SEMA5B: variants seen among roughly 807,000 people sequenced by gnomAD.
The protein encoded by SEMA5B is semaphorin 5B, also known as semaphorin-5B.
SEMA5B carries 66 observed loss-of-function variants against 135.0 expected under a neutral mutation model. That is an observed-to-expected ratio of 0.49 (90% CI 0.40 to 0.60). SEMA5B has a LOEUF of 0.60. SEMA5B is among the 20% of genes least tolerant of loss of function. SEMA5B has a pLI of 0.00. For missense variants in SEMA5B, 1,501 were observed against 1,566.3 expected, an observed-to-expected ratio of 0.96 and a Z score of 0.70; for synonymous variants, 690 against 639.5, an observed-to-expected ratio of 1.08 and a Z score of -1.19.
chr3:122,956,669 TCCC>T lies in SEMA5B; in HGVS notation c.124+4468_124+4470del, dbSNP rs914908625. Among the ~76,000 whole-genome samples, 35 of 151,724 alleles carry T rather than the reference TCCC, an allele frequency of 2.3e-4. 1 individual carries two copies. Among genetic ancestry groups the T allele is most frequent in the Non-Finnish European group, 4.3e-4 (29 of 67,888 alleles). On this transcript the variant is annotated intron_variant, in intron 2 of 22. Coordinates refer to ENST00000357599, the MANE Select transcript of SEMA5B (RefSeq NM_001031702.4). ...AGGTGCCCCCTGCACAACCGAACCC[TCCC>T]CCGTTTTCAGACAGGGGATCGCCCA...
At position 122,962,716 on chromosome 3, in the gene SEMA5B, A is replaced by T. The variant is rs4491842; in HGVS notation, c.-38-1415T>A. ...GATGCTTGTAAATCTATGGAAATGAAGTGAGACCAGTAACATCTGCTGCCT... is the reference window on the plus strand; with the variant it reads ...GATGCTTGTAAATCTATGGAAATGATGTGAGACCAGTAACATCTGCTGCCT... On this transcript the variant is annotated intron_variant, in intron 1 of 22. Coordinates refer to ENST00000357599, the MANE Select transcript of SEMA5B (RefSeq NM_001031702.4). Among the ~76,000 whole-genome samples the T allele has an allele frequency of 9.5e-3, 1,454 of 152,330 alleles. 24 individuals carry two copies. The highest frequency in any genetic ancestry group is 0.033 in the African/African-American group (1,388 of 41,556).
At chr3:123,001,064 C>T (rs1262444349) in intron 1 of SEMA5B, among the ~76,000 whole-genome samples, 1 of 151,912 alleles carries the variant, frequency 6.6e-6, no homozygotes, top group Non-Finnish European at 1.5e-5. Flanking sequence ...TATCCAAGAG[C>T]CCCCCAGAGC....
At position 122,921,995 on chromosome 3, in the gene SEMA5B, G is replaced by A; in HGVS notation, c.1608C>T (p.Ser536=). Residue 536 remains serine (S), a synonymous_variant, in exon 12 of 23, where the codon AGC becomes AGT. Coordinates refer to ENST00000357599, the MANE Select transcript of SEMA5B (RefSeq NM_001031702.4). ...EPLRSLRILH[S]ARALFVGLRD... The stretch of plus-strand genomic sequence containing the variant: ...TCAGCCCCACGAAGAGCGCGCGGGC[G>A]CTGTGCAGGATGCGCAGGCTGCGCA... 1 of 1,534,676 alleles carries A rather than the reference G, an allele frequency of 6.5e-7. No individual in the cohort carries two copies. The highest frequency in any genetic ancestry group is 1.2e-5 in the South Asian group (1 of 83,118).
At chr3:122,975,875 C>A (rs1230963361) in intron 1 of SEMA5B, 1 of 1,300,462 alleles carries the variant, frequency 7.7e-7, no homozygotes, top group Admixed American at 2.3e-5. Flanking sequence ...AAACACCCTG[C>A]ATAGCAAGGA....
chr3:122,968,380 G>T (rs1434413992), intron 1 of SEMA5B, among the ~76,000 whole-genome samples: 1 of 152,174 alleles, frequency 6.6e-6, no homozygotes, highest in Non-Finnish European at 1.5e-5. Context: ...CCAACCCCAG[G>T]CTCTTTTTTC....
chr3:122,973,049 T>C (rs931893906), intron 1 of SEMA5B, among the ~76,000 whole-genome samples: 1 of 152,144 alleles, frequency 6.6e-6, no homozygotes, highest in Admixed American at 6.5e-5. Context: ...ATTCAGAGTG[T>C]CTATACACCT....
chr3:122,930,190 C>A (rs144817294), intron 5 of SEMA5B, among the ~76,000 whole-genome samples: 4,518 of 152,300 alleles, frequency 0.03, 101 homozygotes, highest in Middle Eastern at 0.065. Flanking sequence ...GGCAGGGGGC[C>A]GGGAGAGCGA....
At chr3:122,993,675 G>C (rs1941943371) in intron 1 of SEMA5B, among the ~76,000 whole-genome samples, 1 of 152,040 alleles carries the variant, frequency 6.6e-6, no homozygotes, top group African/African-American at 2.4e-5. Flanking sequence ...TGGAGACAGG[G>C]GGATGGGCGG....
chr3:122,986,496 AG>A (rs1488807352), intron 1 of SEMA5B, among the ~76,000 whole-genome samples: 1 of 152,204 alleles, frequency 6.6e-6, no homozygotes, highest in Admixed American at 6.5e-5. Flanking sequence ...GTGCATCCAA[AG>A]AATGTTTAAA....
intron 1 of SEMA5B, among the ~76,000 whole-genome samples, chr3:122,966,898 A>C (rs926097053): frequency 2.8e-5 from 4 of 144,488 alleles, no homozygotes; most frequent in African/African-American, 1.0e-4. Flanking sequence ...TATTATTATT[A>C]TTAGAGATGG....
chr3:123,004,820 C>T (rs1370385729), intron 1 of SEMA5B, among the ~76,000 whole-genome samples: 1 of 152,200 alleles, frequency 6.6e-6, no homozygotes, highest in African/African-American at 2.4e-5. Context: ...AACATTCAGG[C>T]TCCCAGCCCC....
At chr3:122,964,299 G>A (rs1305825983) in intron 1 of SEMA5B, among the ~76,000 whole-genome samples, 1 of 152,174 alleles carries the variant, frequency 6.6e-6, no homozygotes, top group Non-Finnish European at 1.5e-5. Flanking sequence ...GGGATGGCAG[G>A]TGACATGTGA....
chr3:123,013,373 C>A (rs1341022906), intron 1 of SEMA5B, among the ~76,000 whole-genome samples: 1 of 152,226 alleles, frequency 6.6e-6, no homozygotes, highest in Non-Finnish European at 1.5e-5. Context: ...GCTCGCTAGT[C>A]CACTCTGCAA....
chr3:122,962,394 A>T (rs1332001884), intron 1 of SEMA5B, among the ~76,000 whole-genome samples: 1 of 152,218 alleles, frequency 6.6e-6, no homozygotes, highest in Non-Finnish European at 1.5e-5. Context: ...GAAGCCCGAC[A>T]TGCAGGCCCG....
chr3:122,921,924 C>A lies in SEMA5B; in HGVS notation c.1679G>T (p.Arg560Leu). 6.5e-7 allele frequency: 1 copy of A among 1,532,642 alleles called. No homozygotes were observed. Among genetic ancestry groups the A allele is most frequent in the Non-Finnish European group, 8.7e-7 (1 of 1,145,008 alleles). The allele number at this position is 1,532,642 out of a possible 1,614,324, so 94.9% of individuals were successfully genotyped here. Residue 560 changes from arginine to leucine, a missense_variant, in exon 12 of 23, where the codon CGC becomes CTC. This residue lies in a region of SEMA5B where 927 missense variants were observed against 881.6 expected (regional missense o/e 1.05). Transcript: ENST00000357599. ...CCCCGTCCCGGCTTACCCCTGGCTG[C>A]GGTAGGCGGCGCACCTCTCCAGTGG... ...RVPLERCAAY[R>L]SQGACLGARD...
chr3:122,981,812 G>A (rs1340243924), intron 1 of SEMA5B, among the ~76,000 whole-genome samples: 1 of 152,228 alleles, frequency 6.6e-6, no homozygotes, highest in African/African-American at 2.4e-5. Flanking sequence ...AGCAGAAGGG[G>A]GTCTCATTCC....
At chr3:122,926,342 G>A in intron 9 of SEMA5B, 50 bp downstream of exon 9, 1 of 1,554,556 alleles carries the variant, frequency 6.4e-7, no homozygotes, top group Non-Finnish European at 8.8e-7. Context: ...CATGAGGCCA[G>A]GCCAGCTCCT....
intron 1 of SEMA5B, among the ~76,000 whole-genome samples, chr3:123,021,925 A>T (rs1942689854): frequency 6.6e-6 from 1 of 152,192 alleles, no homozygotes; most frequent in Non-Finnish European, 1.5e-5. Context: ...CTGAAGATGC[A>T]GTGACTGGCA....
chr3:122,977,441 T>C (rs1461853006), intron 1 of SEMA5B, among the ~76,000 whole-genome samples: 2 of 152,206 alleles, frequency 1.3e-5, no homozygotes, highest in Admixed American at 6.5e-5. Flanking sequence ...AATTCAAATG[T>C]AATTGGACAA....
Sources: allele counts gnomAD v4.1 joint callset (sites outside exome capture counted in the v4.1 genomes callset), GRCh38; gene constraint gnomAD v4.1.1; regional missense constraint gnomAD v4.1.1; transcripts MANE v1.5; gene names NCBI Gene and HGNC (gene_info 2026-07-23, HGNC 2026-07-21).